OTUD7A: variants seen among roughly 807,000 people sequenced by gnomAD.
OTUD7A encodes the protein OTU deubiquitinase 7A.
In OTUD7A, 12 loss-of-function variants were observed where a neutral mutation model predicts 65.7. The ratio of observed to expected loss-of-function variants is 0.18; its 90% CI spans 0.12 to 0.30. The LOEUF is 0.30. Ranked by LOEUF, OTUD7A falls within the 10% of genes least tolerant of loss-of-function variation. OTUD7A has a pLI of 1.00. For synonymous variants in OTUD7A, 641 were observed against 586.3 expected (o/e 1.09, Z -1.35); for missense variants, 1,148 against 1,304.8 (o/e 0.88, Z 1.85).
At chr15:31,626,120 T>C (rs2141243046) in intron 3 of OTUD7A, among the ~76,000 whole-genome samples, 1 of 152,262 alleles carries the variant, frequency 6.6e-6, no homozygotes. Context: ...AGACACAAGG[T>C]GTGTCTATTC....
intron 1 of OTUD7A, among the ~76,000 whole-genome samples, chr15:31,850,649 C>T (rs901026938): frequency 9.9e-5 from 15 of 152,164 alleles, no homozygotes; most frequent in Admixed American, 7.2e-4. Context: ...ACACCCACCA[C>T]AACCCTGATG....
intron 8 of OTUD7A, among the ~76,000 whole-genome samples, chr15:31,510,974 TATGTATATCTATATGTAAC>T: frequency 9.8e-6 from 1 of 102,442 alleles, no homozygotes; most frequent in South Asian, 3.3e-4. Flanking sequence ...ATATGTAACA[TATGTATATCTATATGTAAC>T]ATATGTATAT....
intron 3 of OTUD7A, among the ~76,000 whole-genome samples, chr15:31,602,554 A>G (rs1266648494): frequency 6.6e-6 from 1 of 152,238 alleles, no homozygotes; most frequent in Non-Finnish European, 1.5e-5. Context: ...CAAGACAAGG[A>G]TGCCCTCTTC....
chr15:31,652,649 T>C (rs1171298889), intron 3 of OTUD7A, among the ~76,000 whole-genome samples: 1 of 152,140 alleles, frequency 6.6e-6, no homozygotes, highest in Non-Finnish European at 1.5e-5. Flanking sequence ...CAACTCAATT[T>C]AGACATAGGC....
chr15:31,688,968 T>C lies in OTUD7A; in HGVS notation c.-99-31891A>G, dbSNP rs181495949. Among the ~76,000 whole-genome samples the C allele has an allele frequency of 2.8e-3, 422 of 152,254 alleles. 1 individual carries two copies. Among genetic ancestry groups the C allele is most frequent in the African/African-American group, 8.3e-3 (346 of 41,538 alleles). On this transcript the variant is annotated intron_variant, in intron 1 of 12. Transcript: ENST00000307050. ...TCTCAGTCAGATTAAAATTGTATTA[T>C]TGGATAAGAAGTAACAGGAAACAGT... is the stretch of plus-strand genomic sequence containing the variant.
intron 1 of OTUD7A, among the ~76,000 whole-genome samples, chr15:31,834,209 A>G (rs1269798018): frequency 6.6e-6 from 1 of 152,234 alleles, no homozygotes; most frequent in Non-Finnish European, 1.5e-5. Context: ...CAAACAGATA[A>G]AAGAATACAT....
At chr15:31,596,794 CT>C (rs1889917373) in intron 3 of OTUD7A, among the ~76,000 whole-genome samples, 1 of 151,620 alleles carries the variant, frequency 6.6e-6, no homozygotes, top group Admixed American at 6.6e-5. Context: ...GTTTTTAAGT[CT>C]TTTGCTCACT....
At chr15:31,558,780 A>G (rs1888582888) in intron 5 of OTUD7A, 189 bp downstream of exon 5, 1 of 650,246 alleles carries the variant, frequency 1.5e-6, no homozygotes, top group Non-Finnish European at 2.6e-6. Flanking sequence ...CGGCCCCTCC[A>G]TCCAGCCCAT....
At chr15:31,503,173 G>C (rs2041498416) in intron 9 of OTUD7A, among the ~76,000 whole-genome samples, 1 of 152,242 alleles carries the variant, frequency 6.6e-6, no homozygotes, top group African/African-American at 2.4e-5. Context: ...CATTCTAGAA[G>C]GGGCTGTGCA....
intron 3 of OTUD7A, among the ~76,000 whole-genome samples, chr15:31,575,324 T>C (rs1889172206): frequency 6.6e-6 from 1 of 152,192 alleles, no homozygotes; most frequent in Non-Finnish European, 1.5e-5. Context: ...TTTCCATATC[T>C]GCATACCTGA....
chr15:31,717,269 C>A (rs1384056214), intron 1 of OTUD7A, among the ~76,000 whole-genome samples: 1 of 152,058 alleles, frequency 6.6e-6, no homozygotes, highest in Non-Finnish European at 1.5e-5. Flanking sequence ...ACTCTAAGTT[C>A]TGGGATACAT....
intron 1 of OTUD7A, among the ~76,000 whole-genome samples, chr15:31,698,986 A>G (rs1893147837): frequency 6.6e-6 from 1 of 152,038 alleles, no homozygotes; most frequent in South Asian, 2.1e-4. Flanking sequence ...GGGATGTGCT[A>G]GGAGGGTTAA....
chr15:31,866,532 CT>C (rs1897879442), intron 1 of OTUD7A, among the ~76,000 whole-genome samples: 1 of 152,206 alleles, frequency 6.6e-6, no homozygotes, highest in African/African-American at 2.4e-5. Context: ...CGGTTCCCCC[CT>C]TGTGGCATCT....
At chr15:31,523,376 G>A (rs1214451519) in intron 8 of OTUD7A, among the ~76,000 whole-genome samples, 1 of 152,226 alleles carries the variant, frequency 6.6e-6, no homozygotes, top group East Asian at 1.9e-4. Flanking sequence ...CTGACCTGCT[G>A]TCTGAGGAAG....
chr15:31,542,188 A>T (rs1456233852), intron 5 of OTUD7A, among the ~76,000 whole-genome samples: 1 of 152,114 alleles, frequency 6.6e-6, no homozygotes, highest in Non-Finnish European at 1.5e-5. Flanking sequence ...AAAACAAGCC[A>T]CTGTGAGTAA....
At chr15:31,810,489 T>A (rs995903552) in intron 1 of OTUD7A, among the ~76,000 whole-genome samples, 1 of 152,148 alleles carries the variant, frequency 6.6e-6, no homozygotes, top group African/African-American at 2.4e-5. Context: ...TCTAGCTTCA[T>A]GCATGCGTAG....
At chr15:31,586,823 G>A (rs988587578) in intron 3 of OTUD7A, among the ~76,000 whole-genome samples, 3 of 151,902 alleles carry the variant, frequency 2.0e-5, no homozygotes, top group African/African-American at 7.3e-5. Flanking sequence ...ACATTCCCTT[G>A]GCTTGCCCCC....
intron 3 of OTUD7A, among the ~76,000 whole-genome samples, chr15:31,612,076 A>G (rs751799753): frequency 2.0e-5 from 3 of 152,260 alleles, no homozygotes; most frequent in Non-Finnish European, 2.9e-5. Flanking sequence ...TAGATGCAGA[A>G]AAAGCATTTG....
chr15:31,662,101 CTGAG>C (rs1311981323), intron 1 of OTUD7A, among the ~76,000 whole-genome samples: 1 of 152,198 alleles, frequency 6.6e-6, no homozygotes, highest in Non-Finnish European at 1.5e-5. Flanking sequence ...TCAGTTGGCA[CTGAG>C]TATCTGTCTC....
Sources: gnomAD v4.1 joint callset for allele counts (sites outside exome capture counted in the v4.1 genomes callset) on GRCh38, gnomAD v4.1.1 for gene constraint, MANE v1.5 for transcripts, NCBI Gene and HGNC (gene_info 2026-07-23, HGNC 2026-07-21) for gene names.